SEPTIN9: variants seen among roughly 807,000 people sequenced by gnomAD.
SEPTIN9 encodes the protein septin 9.
In SEPTIN9, 13 loss-of-function variants were observed where a neutral mutation model predicts 56.6. That is an observed-to-expected ratio of 0.23 (90% CI 0.15 to 0.37). The LOEUF (loss-of-function observed/expected upper bound fraction) is 0.37. Among genes scored for constraint, SEPTIN9 ranks in the 10% least tolerant of loss-of-function variants. The probability of loss-of-function intolerance (pLI) is 1.00; values close to 1 mark genes in which losing one functional copy is unlikely to be tolerated. For synonymous variants in SEPTIN9, 332 were observed against 334.1 expected (o/e 0.99, Z 0.07); for missense variants, 650 against 823.1 (o/e 0.79, Z 2.57).
chr17:77,407,884 A>G (rs1400896822), intron 3 of SEPTIN9, among the ~76,000 whole-genome samples: 1 of 152,146 alleles, frequency 6.6e-6, no homozygotes, highest in South Asian at 2.1e-4. Context: ...CTGCCCCCCA[A>G]CATGGGTGCC....
chr17:77,354,337 T>G (rs118076258), intron 2 of SEPTIN9, among the ~76,000 whole-genome samples: 2 of 152,210 alleles, frequency 1.3e-5, no homozygotes, highest in South Asian at 4.1e-4. Context: ...CGCTCACTCA[T>G]GCGGCAGGCG....
At chr17:77,349,143 A>C (rs980462431) in intron 2 of SEPTIN9, among the ~76,000 whole-genome samples, 1 of 151,782 alleles carries the variant, frequency 6.6e-6, no homozygotes, top group Admixed American at 6.6e-5. Context: ...GTCTCCCCAC[A>C]GGCTACAGTG....
At chr17:77,493,736 C>G (rs1432967720) in intron 10 of SEPTIN9, among the ~76,000 whole-genome samples, 1 of 151,504 alleles carries the variant, frequency 6.6e-6, no homozygotes, top group African/African-American at 2.4e-5. Flanking sequence ...GGCCTTCTTC[C>G]CTGTGTCTCT....
In SEPTIN9 at chr17:77,399,026, G is replaced by C. The variant is rs562793742; in HGVS notation, c.77-3033G>C. The stretch of plus-strand genomic sequence containing the variant: ...CACACATGTGCATTTTGCGCAGATG[G>C]CCAAGGTGGTGAGGCGCCAGCCACG... On this transcript the variant is annotated intron_variant, in intron 2 of 11. Transcript: ENST00000427177. Among the ~76,000 whole-genome samples, 893 of 152,354 alleles carry C rather than the reference G, an allele frequency of 5.9e-3. 10 individuals carry two copies. Among genetic ancestry groups the C allele is most frequent in the African/African-American group, 0.02 (849 of 41,582 alleles).
At chr17:77,415,139 CGTTTT>C (rs1480625719) in intron 3 of SEPTIN9, among the ~76,000 whole-genome samples, 1 of 152,044 alleles carries the variant, frequency 6.6e-6, no homozygotes, top group Non-Finnish European at 1.5e-5. Context: ...CCCACTAGAT[CGTTTT>C]CTTGGCCCAC....
intron 7 of SEPTIN9, among the ~76,000 whole-genome samples, chr17:77,489,695 G>A: frequency 6.6e-6 from 1 of 152,198 alleles, no homozygotes; most frequent in East Asian, 1.9e-4. Context: ...GTGCAGGAAG[G>A]AGCCTGGCTG....
intron 2 of SEPTIN9, among the ~76,000 whole-genome samples, chr17:77,314,582 A>G (rs1228958735): frequency 1.3e-5 from 2 of 152,154 alleles, no homozygotes; most frequent in Non-Finnish European, 1.5e-5. Flanking sequence ...GTGAGGGGAC[A>G]TGGAAGATGG....
intron 2 of SEPTIN9, chr17:77,377,171 G>T (rs1177192416): frequency 6.6e-6 from 1 of 152,120 alleles, no homozygotes; most frequent in Non-Finnish European, 1.5e-5. Context: ...TTTTGTATTT[G>T]GCTGATGAGA....
intron 1 of SEPTIN9, among the ~76,000 whole-genome samples, chr17:77,286,756 G>A (rs770384383): frequency 6.6e-6 from 1 of 152,228 alleles, no homozygotes; most frequent in Non-Finnish European, 1.5e-5. Flanking sequence ...AGATGGACCT[G>A]ATAAGGGGAG....
intron 2 of SEPTIN9, chr17:77,373,424 G>T (rs1010560871): frequency 7.4e-7 from 1 of 1,346,832 alleles, no homozygotes; most frequent in Non-Finnish European, 9.6e-7. Flanking sequence ...CCCAGCCAGC[G>T]CGCAGGGCCC....
At position 77,326,856 on chromosome 17, in the gene SEPTIN9, C is replaced by G. The variant is rs751220679; in HGVS notation, c.76+19659C>G. 6.6e-6 allele frequency among the ~76,000 whole-genome samples: 1 copy of G among 152,032 alleles called. No homozygotes were observed. The highest frequency in any genetic ancestry group is 1.5e-5 in the Non-Finnish European group (1 of 68,010). ...CCAATGATTGAATCAATCATGCCTT[C>G]GTAATGAGGCCTCCGTGAACACTCA... On this transcript the variant is annotated intron_variant, in intron 2 of 11. Transcript: ENST00000427177. This position sits in a 1 kb window ranked among gnomAD's most constrained non-coding sequence, Gnocchi z 5.1.
In SEPTIN9 at chr17:77,492,875, TC is replaced by T; in HGVS notation, c.1477-104del. 2.4e-6 allele frequency: 3 copies of T among 1,256,258 alleles called. No homozygotes were observed. Among genetic ancestry groups the T allele is most frequent in the Non-Finnish European group, 3.4e-6 (3 of 870,114 alleles). 77.8% of individuals were successfully genotyped at this position (1,256,258 alleles called of 1,614,324 possible). A position where few individuals can be genotyped will look rare whatever the true frequency, so the allele number is the denominator to read the frequency against. ...ACCCAGTGCTGTCAGGCTGAGGCTC[TC>T]GTTTTTGGGGGACCCCAGGCTCAGG... On this transcript the variant is annotated intron_variant, in intron 9 of 11. Coordinates refer to ENST00000427177, the MANE Select transcript of SEPTIN9 (RefSeq NM_001113491.2). This position sits in a 1 kb window ranked among gnomAD's most constrained non-coding sequence, Gnocchi z 5.4.
At chr17:77,361,083 C>A (rs2034402949) in intron 2 of SEPTIN9, among the ~76,000 whole-genome samples, 1 of 152,022 alleles carries the variant, frequency 6.6e-6, no homozygotes, top group Non-Finnish European at 1.5e-5. Flanking sequence ...ACCACCACGT[C>A]CAGCTAAATT....
At chr17:77,441,606 A>AG (rs2037549626) in intron 3 of SEPTIN9, among the ~76,000 whole-genome samples, 1 of 152,246 alleles carries the variant, frequency 6.6e-6, no homozygotes, top group Admixed American at 6.5e-5. Context: ...ACTGAGCTTC[A>AG]GGGTGGCTAC....
chr17:77,484,740 T>TGGC (rs1568111604), intron 4 of SEPTIN9, among the ~76,000 whole-genome samples: 11 of 63,418 alleles, frequency 1.7e-4, no homozygotes, highest in Non-Finnish European at 2.9e-4. Context: ...GTGATGGTGG[T>TGGC]GGTGGTGGTT....
chr17:77,282,293 T>G (rs531493357), intron 1 of SEPTIN9, among the ~76,000 whole-genome samples: 18 of 152,286 alleles, frequency 1.2e-4, no homozygotes, highest in Admixed American at 6.5e-4. Context: ...TATTTGTCTT[T>G]TCCTTCCTTT....
chr17:77,482,015 A>G (rs1433284605), intron 3 of SEPTIN9, 129 bp from the exon 4 acceptor site: 2 of 870,824 alleles, frequency 2.3e-6, no homozygotes, highest in Admixed American at 2.9e-5. Flanking sequence ...TCGCCTGGGC[A>G]AGTCGCTTAG....
chr17:77,432,822 C>T (rs910519306), intron 3 of SEPTIN9, among the ~76,000 whole-genome samples: 2 of 152,254 alleles, frequency 1.3e-5, no homozygotes, highest in Non-Finnish European at 2.9e-5. Context: ...GGGACCACCG[C>T]GGCGGCTGAG....
At chr17:77,380,635 C>T (rs370429637) in intron 2 of SEPTIN9, among the ~76,000 whole-genome samples, 46 of 152,256 alleles carry the variant, frequency 3.0e-4, no homozygotes, top group African/African-American at 9.9e-4. Flanking sequence ...ACACCTGGAG[C>T]GGCTTTCCTG....
Sources: allele counts gnomAD v4.1 joint callset (sites outside exome capture counted in the v4.1 genomes callset), GRCh38; gene constraint gnomAD v4.1.1; non-coding constraint Gnocchi (gnomAD v3.1); transcripts MANE v1.5; gene names NCBI Gene and HGNC (gene_info 2026-07-23, HGNC 2026-07-21).